The following TMPRSS15 variants were observed in gnomAD, a reference collection of about 807,000 sequenced individuals.
TMPRSS15 encodes the protein transmembrane serine protease 15.
A neutral mutation model predicts 125.3 loss-of-function variants in TMPRSS15; 128 were observed. The ratio of observed to expected loss-of-function variants is 1.02; its 90% confidence interval spans 0.89 to 1.18. The LOEUF is 1.18. Ranked by LOEUF, TMPRSS15 falls within the 50% of genes most tolerant of loss-of-function variation. TMPRSS15 has a pLI of 0.00. For synonymous variants in TMPRSS15, 446 were observed against 423.2 expected, an observed-to-expected ratio of 1.05 and a Z score of -0.66; for missense variants, 1,283 against 1,212.7, an observed-to-expected ratio of 1.06 and a Z score of -0.86.
chr21:18,280,593 AAAC>A (rs1436421921), intron 22 of TMPRSS15, among the ~76,000 whole-genome samples: 9,675 of 142,694 alleles, frequency 0.068, 384 homozygotes, highest in Middle Eastern at 0.14. Context: ...AAAAAAAAAA[AAAC>A]AACAAAACAA....
intron 8 of TMPRSS15, among the ~76,000 whole-genome samples, chr21:18,356,583 C>T (rs912919335): frequency 5.9e-5 from 9 of 151,578 alleles, no homozygotes; most frequent in South Asian, 2.1e-4. Context: ...CTATGATTGG[C>T]GAATCTTTGA....
intron 1 of TMPRSS15, among the ~76,000 whole-genome samples, chr21:18,403,237 T>C (rs2076113313): frequency 6.6e-6 from 1 of 152,242 alleles, no homozygotes; most frequent in African/African-American, 2.4e-5. Context: ...GCTTAAATTC[T>C]GCATTAAGTT....
chr21:18,394,149 C>T (rs1312061985), intron 3 of TMPRSS15, among the ~76,000 whole-genome samples: 1 of 152,060 alleles, frequency 6.6e-6, no homozygotes, highest in African/African-American at 2.4e-5. Flanking sequence ...TTCTACCCTC[C>T]CCTTGTGCAA....
At chr21:18,374,313 A>G (rs1416752004) in intron 5 of TMPRSS15, among the ~76,000 whole-genome samples, 1 of 150,340 alleles carries the variant, frequency 6.7e-6, no homozygotes, top group Admixed American at 6.6e-5. Context: ...CTCTACTAAA[A>G]ATACAAAAAA....
At position 18,389,019 on chromosome 21, in the gene TMPRSS15, G is replaced by A. The variant is rs187720889; in HGVS notation, c.345-5241C>T. ...TAGGGGCAGCTCCTGGGATTAAGAT[G>A]TCAGAAATATGCAATAGAGTAAAGA... On this transcript the variant is annotated intron_variant, in intron 3 of 24. Coordinates refer to ENST00000284885, the MANE Select transcript of TMPRSS15 (RefSeq NM_002772.3). Among the ~76,000 whole-genome samples the A allele has an allele frequency of 8.9e-4, 134 of 151,064 alleles. 1 individual carries two copies. The highest frequency in any genetic ancestry group is 3.1e-3 in the African/African-American group (128 of 41,166).
chr21:18,310,461 A>G (rs962518085), intron 18 of TMPRSS15, among the ~76,000 whole-genome samples: 1 of 151,726 alleles, frequency 6.6e-6, no homozygotes, highest in African/African-American at 2.4e-5. Context: ...ATCTACAACA[A>G]TCACAAAAAA....
At chr21:18,347,222 G>A (rs902341496) in intron 10 of TMPRSS15, among the ~76,000 whole-genome samples, 2 of 151,090 alleles carry the variant, frequency 1.3e-5, no homozygotes, top group Non-Finnish European at 2.9e-5. Flanking sequence ...GATGTCATTC[G>A]GCATATTCTG....
At chr21:18,341,673 T>C (rs2075447816) in intron 12 of TMPRSS15, 125 bp from the exon 13 acceptor site, 5 of 1,044,334 alleles carry the variant, frequency 4.8e-6, no homozygotes, top group Admixed American at 1.8e-5. Context: ...TTGAACTATA[T>C]GGTGACCGTT....
At chr21:18,404,026 TAGAG>T (rs200903091), upstream of TMPRSS15, among the ~76,000 whole-genome samples, 16 of 152,250 alleles carry the variant, frequency 1.1e-4, no homozygotes, top group East Asian at 1.9e-3. Flanking sequence ...CTGATATTCA[TAGAG>T]AGAGTTCCTA....
chr21:18,332,295 A>AG, intron 13 of TMPRSS15, 122 bp from the exon 14 acceptor site: 1 of 861,676 alleles, frequency 1.2e-6, no homozygotes, highest in Non-Finnish European at 1.9e-6. Flanking sequence ...AGTAAATTTT[A>AG]GAGTCATGTT....
rs75916170 is a variant in TMPRSS15 at position 18,430,074 on chromosome 21, T to C, written c.11-31745A>G. Among the ~76,000 whole-genome samples, 57 of 152,304 alleles carry C rather than the reference T, an allele frequency of 3.7e-4. No individual in the cohort carries two copies. The East Asian group carries it at 0.01, about 27-fold the overall frequency. On this transcript the variant is annotated intron_variant, in intron 1 of 7. Coordinates refer to the TMPRSS15 transcript ENST00000422787. Reference sequence around the variant, plus strand: ...ACTGATTGATGCATGTTAGCACTTATCACCTTTTCACAATGTTAGCATCAG... The same window carrying C: ...ACTGATTGATGCATGTTAGCACTTACCACCTTTTCACAATGTTAGCATCAG...
chr21:18,287,063 C>G (rs1200140793), intron 21 of TMPRSS15, among the ~76,000 whole-genome samples: 1 of 152,186 alleles, frequency 6.6e-6, no homozygotes, highest in African/African-American at 2.4e-5. Flanking sequence ...ATTTTCTGTT[C>G]ATACTACTTT....
At chr21:18,334,774 C>T (rs1232199980) in intron 13 of TMPRSS15, among the ~76,000 whole-genome samples, 2 of 152,170 alleles carry the variant, frequency 1.3e-5, no homozygotes, top group Non-Finnish European at 2.9e-5. Context: ...TTTACTGTCT[C>T]CTATTGGGTT....
chr21:18,399,162 G>T (rs908702165), intron 1 of TMPRSS15, among the ~76,000 whole-genome samples: 1 of 151,908 alleles, frequency 6.6e-6, no homozygotes, highest in African/African-American at 2.4e-5. Context: ...ACAATAATCT[G>T]GTGCGAGAAG....
chr21:18,270,220 T>G, intron 24 of TMPRSS15, 96 bp from the exon 25 acceptor site: 1 of 1,094,782 alleles, frequency 9.1e-7, no homozygotes, highest in Admixed American at 2.1e-5. Context: ...AAATAAAAAT[T>G]AATTAAAAAA....
chr21:18,471,822 G>T (rs953439224), intron 1 of TMPRSS15, among the ~76,000 whole-genome samples: 3 of 140,192 alleles, frequency 2.1e-5, no homozygotes, highest in Non-Finnish European at 3.1e-5. Context: ...TGGTTTTATA[G>T]CTTGGCCACA....
intron 1 of TMPRSS15, among the ~76,000 whole-genome samples, chr21:18,457,677 T>C (rs186611615): frequency 0.011 from 1,679 of 152,210 alleles, 27 homozygotes; most frequent in South Asian, 0.019. Context: ...TAATAAGAAA[T>C]GGGCTCCCAC....
intron 14 of TMPRSS15, among the ~76,000 whole-genome samples, chr21:18,331,720 C>T (rs1426595773): frequency 2.6e-5 from 4 of 152,142 alleles, no homozygotes; most frequent in African/African-American, 9.7e-5. Flanking sequence ...ACACTATAGA[C>T]ATTATATGCA....
At chr21:18,439,602 T>C (rs1169727730) in intron 1 of TMPRSS15, among the ~76,000 whole-genome samples, 5 of 152,144 alleles carry the variant, frequency 3.3e-5, no homozygotes, top group African/African-American at 1.2e-4. Flanking sequence ...TTTATAGAAA[T>C]AGGGTTTTGA....
Sources: allele counts gnomAD v4.1 joint callset (sites outside exome capture counted in the v4.1 genomes callset), GRCh38; gene constraint gnomAD v4.1.1; transcripts MANE v1.5; gene names NCBI Gene and HGNC (gene_info 2026-07-23, HGNC 2026-07-21).